SYNE2: variants seen among roughly 807,000 people sequenced by gnomAD.
SYNE2 encodes the protein spectrin repeat containing nuclear envelope protein 2.
SYNE2 carries 431 observed loss-of-function variants against 856.3 expected under a neutral mutation model. The observed-to-expected ratio is 0.50, with a 90% CI of 0.47 to 0.55. The LOEUF (loss-of-function observed/expected upper bound fraction) is 0.55. SYNE2 is among the 20% of genes least tolerant of loss of function. The probability of loss-of-function intolerance (pLI) is 0.00; values close to 1 mark genes in which losing one functional copy is unlikely to be tolerated. For synonymous variants in SYNE2, 2,923 were observed against 2,872.3 expected, an observed-to-expected ratio of 1.02 and a Z score of -0.56; for missense variants, 8,129 against 8,023.2, an observed-to-expected ratio of 1.01 and a Z score of -0.50.
chr14:64,212,499 T>C (rs936570884), intron 104 of SYNE2, among the ~76,000 whole-genome samples: 5 of 152,230 alleles, frequency 3.3e-5, no homozygotes, highest in Middle Eastern at 3.2e-3. Context: ...ATGGGAAATG[T>C]TCTGTTCCCA....
Position 63,976,740 on chromosome 14 carries a change from A to T in SYNE2, c.1293+13A>T. On this transcript the variant is annotated intron_variant, in intron 12 of 115. Transcript: ENST00000555002. Reference sequence around the variant, plus strand: ...GACTTTATTCAAGGTTGGAAAAGAAAAAAAAGAGATGTAGGAAAATACATA... The same window carrying T: ...GACTTTATTCAAGGTTGGAAAAGAATAAAAAGAGATGTAGGAAAATACATA... 2 of 1,612,800 alleles carry T rather than the reference A, an allele frequency of 1.2e-6. No individual in the cohort carries two copies. The highest frequency in any genetic ancestry group is 1.7e-6 in the Non-Finnish European group (2 of 1,178,922).
intron 109 of SYNE2, 148 bp downstream of exon 109, chr14:64,218,660 C>T (rs932155707): frequency 2.7e-6 from 2 of 752,564 alleles, no homozygotes; most frequent in East Asian, 2.7e-5. Context: ...ATTTTTAAAT[C>T]AGCGATTGGC....
rs770925546 is a variant in SYNE2 at position 64,223,177 on chromosome 14, ATC to A, written c.20191-10_20191-9del. On this transcript the variant is annotated splice_polypyrimidine_tract_variant and intron_variant, in intron 112 of 115. Transcript: ENST00000555002. ...GACAGGTCACTGTTTCACACACTTT[ATC>A]TGTTTTCAGCAACTGGAAAAGGAGC... is the stretch of plus-strand genomic sequence containing the variant. 25 of 1,613,188 alleles carry A rather than the reference ATC, an allele frequency of 1.5e-5. No individual in the cohort carries two copies. In the South Asian group the frequency reaches 1.7e-4, roughly 11 times the overall value.
At chr14:63,964,605 G>A (rs1171501689) in intron 10 of SYNE2, among the ~76,000 whole-genome samples, 1 of 151,910 alleles carries the variant, frequency 6.6e-6, no homozygotes, top group East Asian at 1.9e-4. Flanking sequence ...GCTCACCGCA[G>A]CCGCCACCTC....
intron 1 of SYNE2, among the ~76,000 whole-genome samples, chr14:63,904,085 G>C (rs2153337236): frequency 6.6e-6 from 1 of 152,216 alleles, no homozygotes; most frequent in Non-Finnish European, 1.5e-5. Flanking sequence ...TTGGTTTTCT[G>C]TTCCTGTGTT....
chr14:64,080,653 C>A lies in SYNE2; in HGVS notation c.11346+15C>A, dbSNP rs774713853. 1.9e-6 allele frequency: 3 copies of A among 1,612,440 alleles called. No homozygotes were observed. The South Asian group carries it at 3.3e-5, about 18-fold the overall frequency. On this transcript the variant is annotated intron_variant, in intron 56 of 115. Transcript: ENST00000555002. ...AGTTGAATAAGGTATGGCTGTGACT[C>A]GTAATAGCTTCATATCATGTGGTGG...
At chr14:63,820,951 A>T (rs1001042866) in intron 1 of SYNE2, among the ~76,000 whole-genome samples, 7 of 151,978 alleles carry the variant, frequency 4.6e-5, no homozygotes, top group Non-Finnish European at 1.0e-4. Context: ...GGGTTTCACC[A>T]TGTTGGCCAG....
At chr14:64,134,255 A>T in intron 78 of SYNE2, 55 bp downstream of exon 78, 5 of 1,594,968 alleles carry the variant, frequency 3.1e-6, no homozygotes, top group Non-Finnish European at 4.3e-6. Context: ...TTTGTGTTTT[A>T]CATTTGTTTT....
chr14:64,218,606 C>G (rs575089706), intron 109 of SYNE2, 94 bp downstream of exon 109: 2 of 1,236,066 alleles, frequency 1.6e-6, no homozygotes, highest in Admixed American at 2.0e-5. Flanking sequence ...ACCAACTATA[C>G]GATTCGCCAG....
At chr14:63,824,082 T>C (rs1260830699) in intron 1 of SYNE2, among the ~76,000 whole-genome samples, 3 of 152,240 alleles carry the variant, frequency 2.0e-5, no homozygotes, top group Non-Finnish European at 4.4e-5. Context: ...CTCATACCTG[T>C]AATCCCAACA....
At chr14:63,969,593 G>A (rs762672978) in intron 11 of SYNE2, among the ~76,000 whole-genome samples, 22 of 151,696 alleles carry the variant, frequency 1.5e-4, no homozygotes, top group Non-Finnish European at 5.9e-5. Flanking sequence ...CACCCGCCTC[G>A]GCCTCCCAAA....
chr14:64,123,636 C>T (rs760966885), intron 70 of SYNE2, among the ~76,000 whole-genome samples: 2 of 152,178 alleles, frequency 1.3e-5, no homozygotes, highest in African/African-American at 2.4e-5. Context: ...TTTTATTTGT[C>T]AGCTTTCCAG....
chr14:64,082,846 G>C (rs1443671171), intron 57 of SYNE2, among the ~76,000 whole-genome samples: 1 of 152,100 alleles, frequency 6.6e-6, no homozygotes. Context: ...GTCCTTGCTG[G>C]TACTCCACAC....
chr14:64,048,338 A>G (rs2097200547), intron 46 of SYNE2, 183 bp downstream of exon 46: 3 of 513,698 alleles, frequency 5.8e-6, no homozygotes, highest in Non-Finnish European at 1.0e-5. Flanking sequence ...TTCCATTTAG[A>G]AAGTAGAAGA....
chr14:64,149,148 A>G (rs1188396332), intron 84 of SYNE2, among the ~76,000 whole-genome samples: 1 of 151,644 alleles, frequency 6.6e-6, no homozygotes, highest in Non-Finnish European at 1.5e-5. Context: ...CTACCAAAAA[A>G]AAAAAAGTTA....
At chr14:64,121,919 G>A in intron 68 of SYNE2, 93 bp from the exon 69 acceptor site, 1 of 1,525,550 alleles carries the variant, frequency 6.6e-7, no homozygotes, top group Non-Finnish European at 9.0e-7. Context: ...TTAGGAACTG[G>A]CTCAAAATTA....
intron 102 of SYNE2, 92 bp from the exon 103 acceptor site, chr14:64,209,850 C>A: frequency 6.4e-7 from 1 of 1,552,862 alleles, no homozygotes; most frequent in Non-Finnish European, 8.9e-7. Context: ...TGGGGATGAA[C>A]CCCTGGCAGC....
At position 64,214,314 on chromosome 14, in the gene SYNE2, C is replaced by G; in HGVS notation, c.19177C>G (p.Leu6393Val). 6.2e-7 allele frequency: 1 copy of G among 1,614,136 alleles called. No homozygotes were observed. The highest frequency in any genetic ancestry group is 1.1e-5 in the South Asian group (1 of 91,074). The change falls in exon 106 of 116, where the codon CTG (leucine) becomes GTG (valine). Residue 6393 changes from leucine (L) to valine (V), a missense_variant. Around this residue, in one of 3 missense-constraint regions of SYNE2, gnomAD observed 5,410 missense variants for 5,284.8 expected, o/e 1.02. Transcript: ENST00000555002. ...CGAGGAACCGTCATCTCCTCAGTCCCTGTGTCATCTAGTGGCCCCAGGGCA... is the reference window on the plus strand; with the variant it reads ...CGAGGAACCGTCATCTCCTCAGTCCGTGTGTCATCTAGTGGCCCCAGGGCA... ...ESEEPSSPQSLCHLVAPGHER... is the reference protein window; with the variant it reads ...ESEEPSSPQSVCHLVAPGHER...
chr14:63,944,871 C>T (rs146798687), intron 6 of SYNE2, among the ~76,000 whole-genome samples: 76 of 98,920 alleles, frequency 7.7e-4, no homozygotes, highest in South Asian at 1.7e-3. Context: ...ATTGCTGAGG[C>T]TGGAGTGCAG....
Sources: allele counts gnomAD v4.1 joint callset (sites outside exome capture counted in the v4.1 genomes callset), GRCh38; gene constraint gnomAD v4.1.1; regional missense constraint gnomAD v4.1.1; transcripts MANE v1.5; gene names NCBI Gene and HGNC (gene_info 2026-07-23, HGNC 2026-07-21).